Variants in RAP1GAP2 observed in about 807,000 individuals in gnomAD.
RAP1GAP2 encodes rap1 GTPase-activating protein 2.
RAP1GAP2 carries 27 observed loss-of-function variants against 95.0 expected under a neutral mutation model. That is an observed-to-expected ratio of 0.28 (90% CI 0.21 to 0.39). The LOEUF is 0.39. Ranked by LOEUF, RAP1GAP2 falls within the 10% of genes least tolerant of loss-of-function variation. The pLI is 1.00. For missense variants in RAP1GAP2, 771 were observed against 970.0 expected, an observed-to-expected ratio of 0.79 and a Z score of 2.72; for synonymous variants, 373 against 380.9, an observed-to-expected ratio of 0.98 and a Z score of 0.24.
intron 2 of RAP1GAP2, among the ~76,000 whole-genome samples, chr17:2,900,376 C>A (rs551037607): frequency 6.6e-6 from 1 of 152,294 alleles, no homozygotes; most frequent in South Asian, 2.1e-4. Context: ...TCATCATCAT[C>A]ATCATCATGG....
intron 1 of RAP1GAP2, among the ~76,000 whole-genome samples, chr17:2,778,944 C>T (rs12945115): frequency 6.6e-6 from 1 of 152,130 alleles, no homozygotes; most frequent in Non-Finnish European, 1.5e-5. Context: ...TAGCCCCATC[C>T]CCTGCCAGAC....
intron 2 of RAP1GAP2, among the ~76,000 whole-genome samples, chr17:2,829,242 A>G (rs900158337): frequency 6.6e-6 from 1 of 152,006 alleles, no homozygotes; most frequent in African/African-American, 2.4e-5. Context: ...CCTCAGCCTT[A>G]AAAAGTACTG....
At chr17:2,890,130 A>G (rs1174225891) in intron 2 of RAP1GAP2, among the ~76,000 whole-genome samples, 1 of 151,402 alleles carries the variant, frequency 6.6e-6, no homozygotes, top group African/African-American at 2.4e-5. Flanking sequence ...CATGGGTGGA[A>G]CCCCTTGTTC....
chr17:2,958,091 T>C (rs763033816), intron 4 of RAP1GAP2, among the ~76,000 whole-genome samples: 22 of 152,052 alleles, frequency 1.4e-4, no homozygotes, highest in Non-Finnish European at 2.6e-4. Flanking sequence ...GGGTCCATTG[T>C]TCCTAGCACG....
chr17:2,801,594 GGTATGT>G (rs1226459215), intron 2 of RAP1GAP2, among the ~76,000 whole-genome samples: 7,441 of 125,950 alleles, frequency 0.059, 285 homozygotes, highest in Middle Eastern at 0.1. Flanking sequence ...AACACTCCAG[GGTATGT>G]GTGTGTGTGT....
At chr17:2,832,522 C>T (rs996986020) in intron 2 of RAP1GAP2, among the ~76,000 whole-genome samples, 24 of 142,636 alleles carry the variant, frequency 1.7e-4, no homozygotes, top group Admixed American at 1.0e-3. Flanking sequence ...CGCGCCACTG[C>T]ACTCCAGCCT....
intron 2 of RAP1GAP2, among the ~76,000 whole-genome samples, chr17:2,872,054 A>G (rs1241070748): frequency 6.6e-6 from 1 of 151,838 alleles, no homozygotes; most frequent in South Asian, 2.1e-4. Flanking sequence ...TCTCTACTAA[A>G]AATACAAAAA....
intron 3 of RAP1GAP2, among the ~76,000 whole-genome samples, chr17:2,927,446 C>T (rs1464595912): frequency 6.6e-6 from 1 of 152,220 alleles, no homozygotes; most frequent in Non-Finnish European, 1.5e-5. Context: ...AGCCACCGCG[C>T]CCGGCTGAGC....
Position 2,818,410 on chromosome 17 carries a change from C to T in RAP1GAP2, c.80+17860C>T, listed in dbSNP as rs191232706. On this transcript the variant is annotated intron_variant, in intron 2 of 24. Transcript: ENST00000254695. ...TGCGATCTTGGCTCACTGCAACCTC[C>T]GCCTCCCGGTTCAAGTAATTCTCCT... is the stretch of plus-strand genomic sequence containing the variant. 3.5e-3 allele frequency among the ~76,000 whole-genome samples: 522 copies of T among 151,168 alleles called. 3 individuals are homozygous for T. Among genetic ancestry groups the T allele is most frequent in the Middle Eastern group, 0.017 (5 of 288 alleles).
chr17:2,880,061 AGGGGCTGGGAGCAG>A (rs1045032108), intron 2 of RAP1GAP2, among the ~76,000 whole-genome samples: 10 of 152,026 alleles, frequency 6.6e-5, no homozygotes, highest in Middle Eastern at 6.8e-3. Context: ...GTGACAACTG[AGGGGCTGGGAGCAG>A]GGGGCTGGGA....
intron 2 of RAP1GAP2, among the ~76,000 whole-genome samples, chr17:2,836,327 G>T (rs1337730801): frequency 6.6e-6 from 1 of 152,108 alleles, no homozygotes; most frequent in Admixed American, 6.6e-5. Flanking sequence ...TTTGTAATTG[G>T]TAAGTTTAAG....
rs1324646305 is a variant in RAP1GAP2, at chr17:2,903,622, GAAGA to G, written c.81-1653_81-1650del. On this transcript the variant is annotated intron_variant, in intron 2 of 24. Transcript: ENST00000254695. The surrounding 1 kb of genome is among the most constrained non-coding windows in gnomAD (Gnocchi z 4.1). ...CAAAACTTACATCAACAAGGTCCAG[GAAGA>G]AAGAAAGAGGAAGGGAGATGGGGAG... Among the ~76,000 whole-genome samples, 1 of 152,338 alleles carries G rather than the reference GAAGA, an allele frequency of 6.6e-6. No homozygotes were observed. Among genetic ancestry groups the G allele is most frequent in the Non-Finnish European group, 1.5e-5 (1 of 68,038 alleles).
intron 3 of RAP1GAP2, among the ~76,000 whole-genome samples, chr17:2,940,011 A>C (rs2043435562): frequency 6.6e-6 from 1 of 152,244 alleles, no homozygotes; most frequent in African/African-American, 2.4e-5. Context: ...GTGGAGCTAA[A>C]GGCAGCAGGG....
rs931869360 is a variant in RAP1GAP2 at position 3,027,576 on chromosome 17, A to T, written c.2107+506A>T. Among the ~76,000 whole-genome samples the T allele has an allele frequency of 1.3e-5, 2 of 152,058 alleles. No homozygotes were observed. Among genetic ancestry groups the T allele is most frequent in the Non-Finnish European group, 2.9e-5 (2 of 68,014 alleles). On this transcript the variant is annotated intron_variant, in intron 22 of 24. Transcript: ENST00000254695. The surrounding 1 kb of genome is among the most constrained non-coding windows in gnomAD (Gnocchi z 5.2). ...GTGTTCATGGCAGCTGGGTTCACAG[A>T]GCCAGGCGTCAGAGAGGCCGGAGCG...
chr17:3,020,911 G>C (rs2046938334), intron 19 of RAP1GAP2, among the ~76,000 whole-genome samples: 1 of 152,204 alleles, frequency 6.6e-6, no homozygotes, highest in Non-Finnish European at 1.5e-5. Context: ...TCTTATGGGA[G>C]CCTTCCCTGA....
intron 8 of RAP1GAP2, among the ~76,000 whole-genome samples, chr17:2,968,941 TATC>T (rs2044729998): frequency 6.6e-6 from 1 of 152,088 alleles, no homozygotes; most frequent in Non-Finnish European, 1.5e-5. Flanking sequence ...AGAGGGCTAT[TATC>T]CATCTTTTCA....
chr17:2,909,870 G>T (rs1469021815), intron 3 of RAP1GAP2, among the ~76,000 whole-genome samples: 1 of 152,316 alleles, frequency 6.6e-6, no homozygotes, highest in Middle Eastern at 3.4e-3. Flanking sequence ...TTGGGGTTGG[G>T]GGTCAGTGTG....
intron 2 of RAP1GAP2, among the ~76,000 whole-genome samples, chr17:2,810,151 G>C (rs1421603741): frequency 6.6e-6 from 1 of 152,044 alleles, no homozygotes; most frequent in African/African-American, 2.4e-5. Flanking sequence ...TGAGGCCCTG[G>C]TGAAGGGCGA....
chr17:2,925,960 G>A (rs59196349), intron 3 of RAP1GAP2, among the ~76,000 whole-genome samples: 3,186 of 152,132 alleles, frequency 0.021, 104 homozygotes, highest in African/African-American at 0.072. Context: ...CCAACATGGC[G>A]AAAGCCCTGT....
Sources: gnomAD v4.1 joint callset for allele counts (sites outside exome capture counted in the v4.1 genomes callset) on GRCh38, gnomAD v4.1.1 for gene constraint, Gnocchi (gnomAD v3.1) non-coding constraint, MANE v1.5 for transcripts, NCBI Gene and HGNC (gene_info 2026-07-23, HGNC 2026-07-21) for gene names.